Variants in CEP290 observed in about 807,000 individuals in gnomAD.
The protein encoded by CEP290 is centrosomal protein 290.
CEP290 carries 317 observed loss-of-function variants against 344.9 expected under a neutral mutation model. That is an observed-to-expected ratio of 0.92 (90% CI 0.84 to 1.01). The LOEUF (loss-of-function observed/expected upper bound fraction) is 1.01. CEP290 is among the 50% of genes least tolerant of loss of function. The probability of loss-of-function intolerance (pLI) is 0.00; values close to 1 mark genes in which losing one functional copy is unlikely to be tolerated. For synonymous variants in CEP290, 932 were observed against 895.8 expected (o/e 1.04, Z -0.72); for missense variants, 2,754 against 2,761.4 (o/e 1.00, Z 0.06).
intron 6 of CEP290, among the ~76,000 whole-genome samples, chr12:88,134,597 A>T (rs1428526425): frequency 6.6e-6 from 1 of 152,150 alleles, no homozygotes; most frequent in Non-Finnish European, 1.5e-5. Flanking sequence ...CTTGAGTAAG[A>T]CTGTTTTCAA....
chr12:88,135,350 A>G (rs566885336), intron 6 of CEP290, among the ~76,000 whole-genome samples: 2,446 of 152,258 alleles, frequency 0.016, 25 homozygotes, highest in East Asian at 0.024. Flanking sequence ...TGATTAGCTA[A>G]GGGTGTGTGG....
In CEP290 at chr12:88,049,259, T is replaced by C. The variant is rs765709669; in HGVS notation, c.7365A>G (p.Glu2455=). Reference sequence around the variant, plus strand: ...CAGAAGCAGCAACAGGGCTAGTTAATTCAACTCCCAATTGTTCTGAAAGTT... The same window carrying C: ...CAGAAGCAGCAACAGGGCTAGTTAACTCAACTCCCAATTGTTCTGAAAGTT... ...VKKLSEQLGV[E]LTSPVAASEE... The change falls in exon 54 of 54, where the codon GAA becomes GAG. Residue 2455 remains glutamate, a synonymous_variant. Coordinates refer to ENST00000552810, the MANE Select transcript of CEP290 (RefSeq NM_025114.4). The C allele has an allele frequency of 1.4e-5, 22 of 1,609,876 alleles. No individual in the cohort carries two copies. Among genetic ancestry groups the C allele is most frequent in the Non-Finnish European group, 1.8e-5 (21 of 1,178,730 alleles).
chr12:88,128,138 G>A (rs1477912443), intron 11 of CEP290, among the ~76,000 whole-genome samples: 2 of 152,116 alleles, frequency 1.3e-5, no homozygotes, highest in South Asian at 2.1e-4. Context: ...CATGCTATAA[G>A]CAGAGTTTAG....
intron 49 of CEP290, among the ~76,000 whole-genome samples, chr12:88,057,079 A>G (rs1165558854): frequency 6.6e-6 from 1 of 152,198 alleles, no homozygotes. Flanking sequence ...TCTAAAATGC[A>G]AAGTCATCTT....
intron 50 of CEP290, 75 bp from the exon 51 acceptor site, chr12:88,054,488 A>C: frequency 1.8e-6 from 2 of 1,119,008 alleles, no homozygotes; most frequent in Non-Finnish European, 2.6e-6. Context: ...ACACATTTTT[A>C]ACAAAGCGTA....
At chr12:88,077,368 T>C in intron 40 of CEP290, 24 bp from the exon 41 acceptor site, 1 of 1,367,320 alleles carries the variant, frequency 7.3e-7, no homozygotes, top group South Asian at 1.4e-5. Context: ...TGTAACTTTA[T>C]ATTTTTACAA....
chr12:88,075,140 C>T (rs1388035773), intron 41 of CEP290, among the ~76,000 whole-genome samples: 2 of 152,116 alleles, frequency 1.3e-5, no homozygotes, highest in Admixed American at 6.5e-5. Flanking sequence ...GGACGACACC[C>T]AGTTGGTGTC....
Position 88,051,379 on chromosome 12 carries a change from A to T in CEP290, c.7130-946T>A, listed in dbSNP as rs1385337658. Among the ~76,000 whole-genome samples, 4 of 151,922 alleles carry T rather than the reference A, an allele frequency of 2.6e-5. No homozygotes were observed. The East Asian group carries it at 7.8e-4, about 29-fold the overall frequency. On this transcript the variant is annotated intron_variant, in intron 52 of 53. Transcript: ENST00000552810. ...ATGCCTGGCTAATTTTTATATTTTT[A>T]GTAGAGACAGGGTTTCACCATGTTG...
chr12:88,068,442 A>G (rs1180615177), intron 44 of CEP290, 80 bp downstream of exon 44: 1 of 988,288 alleles, frequency 1.0e-6, no homozygotes, highest in Non-Finnish European at 1.4e-6. Context: ...GCTTTTGGCC[A>G]GATTAAGAAA....
At chr12:88,076,107 T>C (rs1361066996) in intron 41 of CEP290, among the ~76,000 whole-genome samples, 2 of 152,140 alleles carry the variant, frequency 1.3e-5, no homozygotes, top group African/African-American at 2.4e-5. Flanking sequence ...TTCTAACCTA[T>C]CCCCATTTAG....
intron 5 of CEP290, among the ~76,000 whole-genome samples, chr12:88,137,601 T>C (rs1452303771): frequency 2.0e-5 from 3 of 152,240 alleles, no homozygotes; most frequent in African/African-American, 4.8e-5. Flanking sequence ...AGCATTCCAT[T>C]GTGCTCTCTA....
At chr12:88,140,935 T>TA in intron 3 of CEP290, 21 bp downstream of exon 3, 1 of 1,531,816 alleles carries the variant, frequency 6.5e-7, no homozygotes, top group Non-Finnish European at 8.8e-7. Flanking sequence ...AACCTATAGT[T>TA]AAAACCTACT....
intron 13 of CEP290, among the ~76,000 whole-genome samples, chr12:88,122,429 G>T (rs909991621): frequency 3.3e-5 from 5 of 152,136 alleles, no homozygotes; most frequent in African/African-American, 1.2e-4. Flanking sequence ...CCATTACATA[G>T]ATGAGAAATA....
At chr12:88,074,913 A>G (rs573222744) in intron 41 of CEP290, among the ~76,000 whole-genome samples, 2 of 152,176 alleles carry the variant, frequency 1.3e-5, no homozygotes, top group African/African-American at 4.8e-5. Context: ...ACATCTCTTA[A>G]CCTGTATCCT....
At position 88,076,823 on chromosome 12, in the gene CEP290, T is replaced by C. The variant is rs994977641; in HGVS notation, c.5709+399A>G. On this transcript the variant is annotated intron_variant, in intron 41 of 53. Coordinates refer to ENST00000552810, the MANE Select transcript of CEP290 (RefSeq NM_025114.4). ...TAAAAAGGACCTATTTGGGTCAAAG[T>C]GGGGTATCTTAAAATGTCTATCTTT... is the stretch of plus-strand genomic sequence containing the variant. Among the ~76,000 whole-genome samples, 9 of 152,070 alleles carry C rather than the reference T, an allele frequency of 5.9e-5. 1 individual carries two copies. In the East Asian group the frequency reaches 1.7e-3, roughly 29 times the overall value.
intron 28 of CEP290, among the ~76,000 whole-genome samples, chr12:88,093,154 T>C (rs924293707): frequency 6.6e-6 from 1 of 152,140 alleles, no homozygotes; most frequent in Non-Finnish European, 1.5e-5. Context: ...AATTGTATCA[T>C]CTATAAATAA....
intron 52 of CEP290, among the ~76,000 whole-genome samples, chr12:88,051,462 G>C (rs574282352): frequency 6.6e-6 from 1 of 152,288 alleles, no homozygotes; most frequent in South Asian, 2.1e-4. Flanking sequence ...GCCTCCCAAA[G>C]TGCTGGGATT....
chr12:88,060,074 A>G, intron 47 of CEP290, 54 bp from the exon 48 acceptor site: 1 of 1,357,096 alleles, frequency 7.4e-7, no homozygotes, highest in Non-Finnish European at 1.0e-6. Context: ...CAAGGAAATA[A>G]AAGATAATCT....
chr12:88,127,030 A>G (rs2039773776), intron 11 of CEP290, among the ~76,000 whole-genome samples: 1 of 152,272 alleles, frequency 6.6e-6, no homozygotes, highest in Admixed American at 6.5e-5. Context: ...ACGTTTTTAG[A>G]TATTAAAACA....
Sources: gnomAD v4.1 joint callset for allele counts (sites outside exome capture counted in the v4.1 genomes callset) on GRCh38, gnomAD v4.1.1 for gene constraint, MANE v1.5 for transcripts, NCBI Gene and HGNC (gene_info 2026-07-23, HGNC 2026-07-21) for gene names.